Variants in HIF3A observed in about 807,000 individuals in gnomAD.
The protein encoded by HIF3A is hypoxia-inducible factor 3-alpha.
Under a neutral mutation model 67.2 loss-of-function variants are expected in HIF3A, and 41 were observed. The observed-to-expected ratio is 0.61, with a 90% CI of 0.48 to 0.79. The LOEUF (loss-of-function observed/expected upper bound fraction) is 0.79, where lower values mean the gene tolerates loss of function less well. Ranked by LOEUF, HIF3A falls within the 30% of genes least tolerant of loss-of-function variation. The pLI is 0.00. For synonymous variants in HIF3A, 356 were observed against 374.8 expected (o/e 0.95, Z 0.58); for missense variants, 855 against 898.0 (o/e 0.95, Z 0.61).
Position 46,320,521 on chromosome 19 carries a change from C to A in HIF3A, c.1104C>A (p.Ala368=). ...QHSRRPIQRG[A]PSQKDTPNPG... ...CTCGCAGACCCATTCAGCGGGGCGC[C>A]CCCTCTCAGAAGGACACCCCTAACC... The change falls in exon 9 of 15, where the codon GCC becomes GCA. Residue 368 remains alanine, a synonymous_variant. Coordinates refer to ENST00000377670, the MANE Select transcript of HIF3A (RefSeq NM_152795.4). The A allele has an allele frequency of 6.2e-7, 1 of 1,614,130 alleles. No homozygotes were observed. The highest frequency in any genetic ancestry group is 8.5e-7 in the Non-Finnish European group (1 of 1,180,002).
intron 6 of HIF3A, among the ~76,000 whole-genome samples, 191 bp downstream of exon 6, chr19:46,309,550 G>A (rs980848609): frequency 3.3e-5 from 5 of 149,834 alleles, no homozygotes; most frequent in Non-Finnish European, 5.9e-5. Flanking sequence ...TTGTAAAATC[G>A]CTGCCTTGCC....
chr19:46,308,436 C>T (rs1969095159), intron 4 of HIF3A, 131 bp downstream of exon 4: 1 of 690,354 alleles, frequency 1.4e-6, no homozygotes, highest in Admixed American at 2.7e-5. Context: ...GATGGCCCTG[C>T]CCTGGGGTCT....
intron 5 of HIF3A, 97 bp from the exon 6 acceptor site, chr19:46,309,054 C>A: frequency 9.6e-7 from 1 of 1,040,640 alleles, no homozygotes; most frequent in Non-Finnish European, 1.4e-6. Context: ...GTTGGAATCT[C>A]AGCTCCCTGA....
At position 46,309,275 on chromosome 19, in the gene HIF3A, C is replaced by G. The variant is rs375020582; in HGVS notation, c.686C>G (p.Pro229Arg). The change falls in exon 6 of 15, where the codon CCA becomes CGA. Residue 229 changes from proline to arginine, a missense_variant. Physicochemically the swap from Pro to Arg is moderately radical, Grantham distance 103. This residue lies in a region of HIF3A where 638 missense variants were observed against 660.5 expected (regional missense o/e 0.97). Transcript: ENST00000377670. Reference protein sequence around the residue: ...LVLICEAIPHPGSLEPPLGRG... With the variant: ...LVLICEAIPHRGSLEPPLGRG... The stretch of plus-strand genomic sequence containing the variant: ...CTCATCTGCGAAGCCATCCCCCACC[C>G]AGGCAGCCTGGAGCCCCCACTGGGC... 9.3e-6 allele frequency: 15 copies of G among 1,613,668 alleles called. No individual in the cohort carries two copies. Among genetic ancestry groups the G allele is most frequent in the Middle Eastern group, 1.6e-4 (1 of 6,080 alleles).
chr19:46,325,568 G>A lies in HIF3A; in HGVS notation c.1369G>A (p.Glu457Lys), dbSNP rs752464732. ...CCCAGATGAACTACCTGTGGGCACC[G>A]AGAATGTGCACAGACTCTTCACCTC... is the stretch of plus-strand genomic sequence containing the variant. ...DLPDELPVGT[E>K]NVHRLFTSGK... is the part of the protein sequence containing the mutation. The change falls in exon 11 of 15, where the codon GAG becomes AAG. Residue 457 changes from glutamate (E) to lysine (K), a missense_variant. Physicochemically the swap from Glu to Lys is moderately conservative, Grantham distance 56 (BLOSUM62 1). Transcript: ENST00000377670. 15 of 1,613,272 alleles carry A rather than the reference G, an allele frequency of 9.3e-6. No individual in the cohort carries two copies. The highest frequency in any genetic ancestry group is 1.3e-5 in the African/African-American group (1 of 74,888).
chr19:46,318,783 G>A (rs903219604), intron 8 of HIF3A, among the ~76,000 whole-genome samples: 8 of 151,694 alleles, frequency 5.3e-5, no homozygotes, highest in African/African-American at 1.9e-4. Context: ...ACCACACTCA[G>A]CTAATTTTTG....
rs146018237 is a variant in HIF3A, at chr19:46,337,180, G to A, written c.1912+2194G>A. On this transcript the variant is annotated intron_variant, in intron 14 of 14. Coordinates refer to ENST00000377670, the MANE Select transcript of HIF3A (RefSeq NM_152795.4). The stretch of plus-strand genomic sequence containing the variant: ...ACCTGGAGTGAGTCCTGACGATATC[G>A]GGGGGAAGAGTGTCCCAGGCAGAGA... Among the ~76,000 whole-genome samples, 36 of 152,120 alleles carry A rather than the reference G, an allele frequency of 2.4e-4. No individual in the cohort carries two copies. The East Asian group carries it at 6.0e-3, about 25-fold the overall frequency.
At chr19:46,329,069 C>T (rs1268069011) in intron 11 of HIF3A, 138 bp from the exon 12 acceptor site, 8 of 772,492 alleles carry the variant, frequency 1.0e-5, no homozygotes, top group African/African-American at 1.7e-5. Flanking sequence ...AGTCCTTATA[C>T]CCATTTTACA....
At position 46,304,033 on chromosome 19, in the gene HIF3A, C is replaced by G; in HGVS notation, c.162C>G (p.Ala54=). 6.3e-7 allele frequency: 1 copy of G among 1,590,222 alleles called. No homozygotes were observed. The highest frequency in any genetic ancestry group is 8.6e-7 in the Non-Finnish European group (1 of 1,169,200). ...ARGVSAHLDK[A]SIMRLTISYL... ...GCGTCAGCGCCCACCTGGACAAGGCCTCTATCATGCGCCTCACCATCAGCT... is the reference window on the plus strand; with the variant it reads ...GCGTCAGCGCCCACCTGGACAAGGCGTCTATCATGCGCCTCACCATCAGCT... The change falls in exon 2 of 15, where the codon GCC becomes GCG. Residue 54 remains alanine (A), a synonymous_variant. Transcript: ENST00000377670.
intron 11 of HIF3A, 140 bp downstream of exon 11, chr19:46,325,779 T>C (rs2147258264): frequency 1.6e-6 from 1 of 611,184 alleles, no homozygotes; most frequent in Admixed American, 2.7e-5. Context: ...AGGTGGATGA[T>C]GGTGGATGAA....
At chr19:46,319,779 A>G (rs73940670) in intron 8 of HIF3A, among the ~76,000 whole-genome samples, 18,113 of 151,940 alleles carry the variant, frequency 0.12, 1,399 homozygotes, top group East Asian at 0.34. Flanking sequence ...CTCTGTTCCT[A>G]GGTCTCCTCC....
At chr19:46,305,420 C>A in intron 3 of HIF3A, 30 bp downstream of exon 3, 2 of 1,606,986 alleles carry the variant, frequency 1.2e-6, no homozygotes, top group South Asian at 1.1e-5. Flanking sequence ...CTGTGCCTGG[C>A]CCTGTACTGG....
At chr19:46,308,159 G>A in intron 3 of HIF3A, 62 bp from the exon 4 acceptor site, 2 of 1,012,670 alleles carry the variant, frequency 2.0e-6, no homozygotes, top group East Asian at 4.7e-5. Context: ...GGGGAATGAG[G>A]ATGGGATGGA....
intron 12 of HIF3A, among the ~76,000 whole-genome samples, chr19:46,330,489 G>GGGATGGAT (rs560533077): frequency 2.0e-5 from 3 of 151,410 alleles, no homozygotes; most frequent in East Asian, 3.9e-4. Context: ...GATGGATGGA[G>GGGATGGAT]GGATGGATGG....
In HIF3A at chr19:46,343,187, C is replaced by A. The variant is rs143565488; in HGVS notation, c.*3565C>A. On this transcript the variant is annotated 3_prime_UTR_variant, in exon 15 of 15. Transcript: ENST00000377670. Reference sequence around the variant, plus strand: ...GTCTCCCACAGGAAAAGGCCTCCCCCCTTCTTAGCCCCATTTACCCCGTTT... The same window carrying A: ...GTCTCCCACAGGAAAAGGCCTCCCCACTTCTTAGCCCCATTTACCCCGTTT... 5.6e-3 allele frequency: 861 copies of A among 153,048 alleles called. 5 individuals are homozygous for A. The highest frequency in any genetic ancestry group is 6.0e-3 in the Non-Finnish European group (409 of 68,292). The allele number at this position is 153,048 out of a possible 1,614,324, so 9.5% of individuals were successfully genotyped here. A position where few individuals can be genotyped will look rare whatever the true frequency, so the allele number is the denominator to read the frequency against.
chr19:46,299,611 C>T (rs933809873), intron 1 of HIF3A, among the ~76,000 whole-genome samples: 12 of 149,108 alleles, frequency 8.0e-5, no homozygotes, highest in African/African-American at 2.5e-4. Context: ...ACTCAGGAGG[C>T]TGAGGTGGGA....
At position 46,308,090 on chromosome 19, in the gene HIF3A, A is replaced by C. The variant is rs924236758; in HGVS notation, c.364-131A>C. 9.2e-6 allele frequency: 7 copies of C among 758,148 alleles called. No individual in the cohort carries two copies. The African/African-American group carries it at 1.2e-4, about 13-fold the overall frequency. 47.0% of individuals were successfully genotyped at this position (758,148 alleles called of 1,614,324 possible). ...GGTGGATGGATGGATGGATGGACAA[A>C]TGGATGGATAAATGAATGGGGAGAC... On this transcript the variant is annotated intron_variant, in intron 3 of 14. Coordinates refer to ENST00000377670, the MANE Select transcript of HIF3A (RefSeq NM_152795.4).
intron 1 of HIF3A, among the ~76,000 whole-genome samples, chr19:46,299,627 G>A (rs1230716137): frequency 1.4e-5 from 2 of 147,838 alleles, no homozygotes; most frequent in African/African-American, 5.0e-5. Context: ...TGGGAGGATG[G>A]CTTGAGCCTG....
intron 10 of HIF3A, among the ~76,000 whole-genome samples, chr19:46,324,580 G>A (rs1052381729): frequency 3.0e-4 from 45 of 151,992 alleles, no homozygotes; most frequent in African/African-American, 9.9e-4. Flanking sequence ...CAGGCTGGGT[G>A]CGGTGGCTCA....
Sources: allele counts gnomAD v4.1 joint callset (sites outside exome capture counted in the v4.1 genomes callset), GRCh38; gene constraint gnomAD v4.1.1; regional missense constraint gnomAD v4.1.1; transcripts MANE v1.5; gene names NCBI Gene and HGNC (gene_info 2026-07-23, HGNC 2026-07-21).